Variants in ZC3H12B observed in about 807,000 individuals in gnomAD.
ZC3H12B encodes probable ribonuclease ZC3H12B.
ZC3H12B carries 7 observed loss-of-function variants against 43.9 expected under a neutral mutation model. The observed-to-expected ratio is 0.16, with a 90% CI of 0.09 to 0.30. The LOEUF (loss-of-function observed/expected upper bound fraction) is 0.30, where lower values mean the gene tolerates loss of function less well. Ranked by LOEUF, ZC3H12B falls within the 10% of genes least tolerant of loss-of-function variation. The pLI, the probability that ZC3H12B is intolerant of heterozygous loss-of-function variation, is 1.00. For missense variants in ZC3H12B, 475 were observed against 670.2 expected (o/e 0.71, Z 3.22); for synonymous variants, 222 against 241.7 (o/e 0.92, Z 0.76).
the ZC3H12B span, among the ~76,000 whole-genome samples, chrX:65,238,644 G>A: frequency 3.6e-5 from 4 of 111,238 alleles, no homozygotes; most frequent in African/African-American, 1.3e-4. Flanking sequence ...GGGTTTGTTT[G>A]CTCTTAATTT....
the ZC3H12B span, among the ~76,000 whole-genome samples, chrX:65,342,386 C>T: frequency 7.2e-5 from 8 of 111,774 alleles, no homozygotes; most frequent in Non-Finnish European, 1.5e-4. Context: ...GGCACATACT[C>T]TAAAATCGAC....
chrX:65,369,240 AG>A (rs2066213564), intron 2 of ZC3H12B, among the ~76,000 whole-genome samples: 2 of 111,699 alleles, frequency 1.8e-5, no homozygotes, highest in African/African-American at 6.5e-5. Context: ...CATCATAGGA[AG>A]GGGTGAGAGG....
intron 1 of ZC3H12B, 126 bp downstream of exon 6, chrX:65,489,535 G>A: frequency 2.4e-6 from 2 of 842,243 alleles, no homozygotes; most frequent in East Asian, 3.5e-5. Flanking sequence ...TCTGAAGGTG[G>A]CCAGAGACTA....
At chrX:65,151,134 A>G in the ZC3H12B span, among the ~76,000 whole-genome samples, 1 of 112,177 alleles carries the variant, frequency 8.9e-6, no homozygotes, top group Non-Finnish European at 1.9e-5. Flanking sequence ...CAAGATTTCT[A>G]TGTCTTCTAA....
chrX:65,383,672 C>T (rs1421445841), intron 2 of ZC3H12B, among the ~76,000 whole-genome samples: 1 of 110,437 alleles, frequency 9.1e-6, no homozygotes, highest in Non-Finnish European at 1.9e-5. Flanking sequence ...AGGCCACCTA[C>T]AAAATGGGAG....
chrX:65,332,800 ATCTGTTATTAGATAACATAGTT>A, the ZC3H12B span, among the ~76,000 whole-genome samples: 1 of 112,051 alleles, frequency 8.9e-6, no homozygotes, highest in African/African-American at 3.2e-5. Flanking sequence ...ATAACATAGT[ATCTGTTATTAGATAACATAGTT>A]TTTGAAACAT....
chrX:65,174,103 A>T, the ZC3H12B span, among the ~76,000 whole-genome samples: 1 of 111,142 alleles, frequency 9.0e-6, no homozygotes, highest in Non-Finnish European at 1.9e-5. Context: ...TGCCTGCTCC[A>T]TCCTCTGGAA....
chrX:65,209,790 C>CA, the ZC3H12B span, among the ~76,000 whole-genome samples: 1 of 102,910 alleles, frequency 9.7e-6, no homozygotes, highest in African/African-American at 3.7e-5. Flanking sequence ...TGATCTTTGA[C>CA]AAACCTGAGA....
chrX:65,141,357 A>G, the ZC3H12B span, among the ~76,000 whole-genome samples: 1 of 109,778 alleles, frequency 9.1e-6, no homozygotes, highest in Non-Finnish European at 1.9e-5. Context: ...ATTTATAATA[A>G]TTTATTAATA....
chrX:65,324,921 C>A, the ZC3H12B span, among the ~76,000 whole-genome samples: 1 of 110,620 alleles, frequency 9.0e-6, no homozygotes, highest in African/African-American at 3.3e-5. Context: ...TATTGTATTG[C>A]AATCTATCTC....
At chrX:65,239,532 A>G in the ZC3H12B span, among the ~76,000 whole-genome samples, 3 of 110,923 alleles carry the variant, frequency 2.7e-5, no homozygotes, top group African/African-American at 6.6e-5. Context: ...CTCTTTATCC[A>G]GCTTGCCATT....
At chrX:65,233,239 C>G in the ZC3H12B span, among the ~76,000 whole-genome samples, 3 of 111,451 alleles carry the variant, frequency 2.7e-5, no homozygotes, top group African/African-American at 9.8e-5. Context: ...GGAGTATAGA[C>G]CAAATGGGCC....
At chrX:65,324,045 G>A in the ZC3H12B span, among the ~76,000 whole-genome samples, 1 of 111,662 alleles carries the variant, frequency 9.0e-6, no homozygotes, top group African/African-American at 3.3e-5. Context: ...AAGGTTGTTT[G>A]TTTTTTTCTT....
the ZC3H12B span, among the ~76,000 whole-genome samples, chrX:65,070,616 G>T: frequency 9.0e-6 from 1 of 110,608 alleles, no homozygotes; most frequent in South Asian, 3.8e-4. Context: ...GTGTCCCAGA[G>T]ATTCTGGTTT....
At chrX:65,211,983 A>C in the ZC3H12B span, among the ~76,000 whole-genome samples, 2 of 68,718 alleles carry the variant, frequency 2.9e-5, no homozygotes, top group African/African-American at 1.2e-4. Flanking sequence ...ATACTATATA[A>C]TATATAATAT....
chrX:65,358,343 T>C, the ZC3H12B span, among the ~76,000 whole-genome samples: 1 of 111,688 alleles, frequency 9.0e-6, no homozygotes, highest in Non-Finnish European at 1.9e-5. Context: ...CTAATAGATA[T>C]CTACAGAACT....
chrX:65,201,656 C>A, the ZC3H12B span, among the ~76,000 whole-genome samples: 1 of 104,275 alleles, frequency 9.6e-6, no homozygotes, highest in East Asian at 3.0e-4. Flanking sequence ...CTCTCTCTCT[C>A]TCTCTCTCTC....
the ZC3H12B span, among the ~76,000 whole-genome samples, chrX:65,105,657 C>T: frequency 1.8e-5 from 2 of 111,311 alleles, no homozygotes; most frequent in African/African-American, 3.3e-5. Flanking sequence ...TTCTGGAATC[C>T]TATGGGGAAT....
chrX:65,057,408 G>T, the ZC3H12B span, among the ~76,000 whole-genome samples: 3 of 111,497 alleles, frequency 2.7e-5, no homozygotes, highest in African/African-American at 9.8e-5. Flanking sequence ...TTGAATATTG[G>T]CCCCCACTCT....
Sources: gnomAD v4.1 joint callset for allele counts (sites outside exome capture counted in the v4.1 genomes callset) on GRCh38, gnomAD v4.1.1 for gene constraint, MANE v1.5 for transcripts, NCBI Gene and HGNC (gene_info 2026-07-23, HGNC 2026-07-21) for gene names.